The following GHR variants were observed in gnomAD, a reference collection of about 807,000 sequenced individuals.
GHR encodes the protein growth hormone receptor, also known as GH receptor.
In GHR, 35 loss-of-function variants were observed where a neutral mutation model predicts 67.1. The observed-to-expected ratio is 0.52, with a 90% CI of 0.40 to 0.69. GHR has a LOEUF of 0.69. Ranked by LOEUF, GHR falls within the 30% of genes least tolerant of loss-of-function variation. The pLI is 0.00. For synonymous variants in GHR, 272 were observed against 269.1 expected (o/e 1.01, Z -0.10); for missense variants, 792 against 764.6 (o/e 1.04, Z -0.42).
chr5:42,708,861 G>A (rs545717163), intron 6 of GHR, among the ~76,000 whole-genome samples: 6 of 152,200 alleles, frequency 3.9e-5, no homozygotes, highest in South Asian at 4.1e-4. Flanking sequence ...GCTAAATCTC[G>A]TTAGGTAGAC....
intron 1 of GHR, among the ~76,000 whole-genome samples, chr5:42,494,231 C>T (rs186967647): frequency 2.0e-5 from 3 of 152,214 alleles, no homozygotes; most frequent in African/African-American, 7.2e-5. Flanking sequence ...TAACACTTCC[C>T]TTCCTGTTGG....
chr5:42,695,676 T>C (rs1362619725), intron 5 of GHR, among the ~76,000 whole-genome samples: 1 of 152,188 alleles, frequency 6.6e-6, no homozygotes, highest in African/African-American at 2.4e-5. Flanking sequence ...TTGCCCATCA[T>C]ATGGACACAA....
At chr5:42,485,697 C>T (rs1009204671) in intron 1 of GHR, among the ~76,000 whole-genome samples, 2 of 152,222 alleles carry the variant, frequency 1.3e-5, no homozygotes, top group African/African-American at 4.8e-5. Context: ...TTTAATCAAA[C>T]TGTCATTCCA....
At position 42,673,468 on chromosome 5, in the gene GHR, C is replaced by A. The variant is rs148087559; in HGVS notation, c.137-15422C>A. Among the ~76,000 whole-genome samples the A allele has an allele frequency of 5.2e-3, 796 of 152,248 alleles. 3 individuals are homozygous for A. Among genetic ancestry groups the A allele is most frequent in the African/African-American group, 0.019 (773 of 41,538 alleles). ...TATTGTTCTACCCAAAAGACACATACACTCACATGTTCATTACAACACTGT... is the reference window on the plus strand; with the variant it reads ...TATTGTTCTACCCAAAAGACACATAAACTCACATGTTCATTACAACACTGT... On this transcript the variant is annotated intron_variant, in intron 3 of 9. Coordinates refer to ENST00000230882, the MANE Select transcript of GHR (RefSeq NM_000163.5).
At chr5:42,489,561 A>G (rs1247879217) in intron 1 of GHR, among the ~76,000 whole-genome samples, 1 of 152,192 alleles carries the variant, frequency 6.6e-6, no homozygotes, top group African/African-American at 2.4e-5. Flanking sequence ...ATTGAGCAGC[A>G]TATTTTTGGA....
rs1473686707 is a variant in GHR, at chr5:42,659,733, C to G, written c.137-29157C>G. Among the ~76,000 whole-genome samples the G allele has an allele frequency of 1.3e-5, 2 of 152,186 alleles. 1 individual carries two copies. Among genetic ancestry groups the G allele is most frequent in the East Asian group, 3.8e-4 (2 of 5,196 alleles). ...CATCTGAGCTACTGCATTCATCTCA[C>G]TAGGGAGTGCCAGACAGTGGGCCCG... On this transcript the variant is annotated intron_variant, in intron 3 of 9. Transcript: ENST00000230882.
chr5:42,510,913 G>A, intron 1 of GHR, among the ~76,000 whole-genome samples: 1 of 152,206 alleles, frequency 6.6e-6, no homozygotes, highest in East Asian at 1.9e-4. Flanking sequence ...TGCAGTCTGT[G>A]CAGCAGCCAA....
chr5:42,488,168 C>G (rs538163572), intron 1 of GHR, among the ~76,000 whole-genome samples: 2 of 152,140 alleles, frequency 1.3e-5, no homozygotes, highest in Non-Finnish European at 2.9e-5. Flanking sequence ...TTTATGAACT[C>G]TGATTATAGT....
intron 8 of GHR, among the ~76,000 whole-genome samples, chr5:42,717,696 T>C (rs1469112741): frequency 6.6e-6 from 1 of 152,216 alleles, no homozygotes; most frequent in Non-Finnish European, 1.5e-5. Flanking sequence ...AATTGCCTTA[T>C]AGCTGAAATG....
At chr5:42,440,846 G>T (rs552553923) in intron 1 of GHR, among the ~76,000 whole-genome samples, 5 of 152,166 alleles carry the variant, frequency 3.3e-5, no homozygotes. Flanking sequence ...TACTGGTGAG[G>T]GATGTCATGG....
rs182265879 is a variant in GHR, at chr5:42,707,434, A to G, written c.619-3773A>G. Among the ~76,000 whole-genome samples, 5 of 151,808 alleles carry G rather than the reference A, an allele frequency of 3.3e-5. No homozygotes were observed. The East Asian group carries it at 9.7e-4, about 30-fold the overall frequency. ...CATTTTAGTTAGGATTGCTTTGCCAATTGGGCTGTTTTTTGCTTCCATATG... is the reference window on the plus strand; with the variant it reads ...CATTTTAGTTAGGATTGCTTTGCCAGTTGGGCTGTTTTTTGCTTCCATATG... On this transcript the variant is annotated intron_variant, in intron 6 of 9. Coordinates refer to ENST00000230882, the MANE Select transcript of GHR (RefSeq NM_000163.5).
chr5:42,650,578 C>CATATATAG (rs1554031975), intron 3 of GHR, among the ~76,000 whole-genome samples: 16 of 129,066 alleles, frequency 1.2e-4, no homozygotes, highest in African/African-American at 4.2e-4. Flanking sequence ...TTACAGATAA[C>CATATATAG]ATATATATAT....
At chr5:42,593,074 T>A (rs1751875940) in intron 2 of GHR, among the ~76,000 whole-genome samples, 1 of 152,208 alleles carries the variant, frequency 6.6e-6, no homozygotes, top group Non-Finnish European at 1.5e-5. Context: ...ACATCATTCC[T>A]ATGAAAATGC....
At chr5:42,496,566 G>C (rs930130520) in intron 1 of GHR, among the ~76,000 whole-genome samples, 38 of 152,054 alleles carry the variant, frequency 2.5e-4, no homozygotes, top group Admixed American at 2.5e-3. Context: ...ATCATTGTTT[G>C]GCTTATGACG....
intron 2 of GHR, among the ~76,000 whole-genome samples, chr5:42,596,464 C>G (rs1181694554): frequency 6.6e-6 from 1 of 152,228 alleles, no homozygotes; most frequent in Non-Finnish European, 1.5e-5. Context: ...AGCAAATGTG[C>G]AGCTGCTCTG....
At position 42,622,317 on chromosome 5, in the gene GHR, C is replaced by A. The variant is rs961755206; in HGVS notation, c.71-6721C>A. On this transcript the variant is annotated intron_variant, in intron 2 of 9. Coordinates refer to ENST00000230882, the MANE Select transcript of GHR (RefSeq NM_000163.5). ...AATCAGCATGTACTTTATCAAGTGC[C>A]TCCTCATGAGTACCAATTGTGGCAC... Among the ~76,000 whole-genome samples, 13 of 152,328 alleles carry A rather than the reference C, an allele frequency of 8.5e-5. No homozygotes were observed. The East Asian group carries it at 9.6e-4, about 11-fold the overall frequency.
chr5:42,665,757 G>GA (rs775381802), intron 3 of GHR, among the ~76,000 whole-genome samples: 17 of 142,340 alleles, frequency 1.2e-4, no homozygotes, highest in African/African-American at 1.5e-4. Flanking sequence ...AATAATAAAA[G>GA]AAAAAAAAAG....
chr5:42,545,479 C>T (rs1748696767), intron 1 of GHR, among the ~76,000 whole-genome samples: 1 of 152,108 alleles, frequency 6.6e-6, no homozygotes, highest in African/African-American at 2.4e-5. Flanking sequence ...TACATTAGTA[C>T]TTAACAGATT....
chr5:42,679,130 A>G (rs919524151), intron 3 of GHR, among the ~76,000 whole-genome samples: 1 of 139,908 alleles, frequency 7.1e-6, no homozygotes, highest in Non-Finnish European at 1.5e-5. Context: ...ATTATATATT[A>G]ATTAATATAT....
Sources: allele counts gnomAD v4.1 joint callset (sites outside exome capture counted in the v4.1 genomes callset), GRCh38; gene constraint gnomAD v4.1.1; transcripts MANE v1.5; gene names NCBI Gene and HGNC (gene_info 2026-07-23, HGNC 2026-07-21).